SYT16: variants seen among roughly 807,000 people sequenced by gnomAD.
SYT16 encodes the protein synaptotagmin-16.
In SYT16, 42 loss-of-function variants were observed where a neutral mutation model predicts 61.4. The observed-to-expected ratio is 0.68, with a 90% CI of 0.53 to 0.89. SYT16 has a LOEUF of 0.89. Ranked by LOEUF, SYT16 falls within the 40% of genes least tolerant of loss-of-function variation. The probability of loss-of-function intolerance (pLI) is 0.00; values close to 1 mark genes in which losing one functional copy is unlikely to be tolerated. For missense variants in SYT16, 804 were observed against 807.3 expected (o/e 1.00, Z 0.05); for synonymous variants, 314 against 302.3 (o/e 1.04, Z -0.40).
intron 1 of SYT16, among the ~76,000 whole-genome samples, chr14:61,947,163 C>CA (rs2050471666): frequency 6.6e-6 from 1 of 151,828 alleles, no homozygotes; most frequent in Admixed American, 6.6e-5. Context: ...ATGGTAAAGC[C>CA]AGTACCGTCA....
chr14:62,023,386 A>T (rs1230002329), intron 3 of SYT16, among the ~76,000 whole-genome samples: 1 of 152,206 alleles, frequency 6.6e-6, no homozygotes, highest in African/African-American at 2.4e-5. Context: ...TCCCCCAAAC[A>T]TACAGGTGAT....
intron 3 of SYT16, among the ~76,000 whole-genome samples, chr14:62,030,709 C>A (rs2054280965): frequency 6.6e-6 from 1 of 152,138 alleles, no homozygotes. Flanking sequence ...GTGGCTTTAA[C>A]CTTTCTCTCA....
chr14:61,981,828 C>A (rs1286530432), intron 2 of SYT16, among the ~76,000 whole-genome samples: 2 of 152,138 alleles, frequency 1.3e-5, no homozygotes, highest in African/African-American at 4.8e-5. Flanking sequence ...GAGTTATTTA[C>A]ATAAGGGTGC....
chr14:62,088,197 C>T (rs917586878), intron 7 of SYT16, among the ~76,000 whole-genome samples: 1 of 152,148 alleles, frequency 6.6e-6, no homozygotes, highest in African/African-American at 2.4e-5. Flanking sequence ...AAAAACTAGA[C>T]AGTCCTCACG....
intron 1 of SYT16, among the ~76,000 whole-genome samples, chr14:61,819,300 A>C (rs1478412820): frequency 6.6e-6 from 1 of 152,208 alleles, no homozygotes; most frequent in African/African-American, 2.4e-5. Context: ...TATGCCATTT[A>C]ACAATTGTCT....
rs529441836 is a variant in SYT16, at chr14:61,996,791, A to G, written c.523+249A>G. On this transcript the variant is annotated intron_variant, in intron 3 of 7. Coordinates refer to ENST00000683842, the MANE Select transcript of SYT16 (RefSeq NM_001367656.1). Reference sequence around the variant, plus strand: ...TGAGCAAGTGAAATGGTGAAAAACGAGTCTGTGGATTCTGTTTGAGAAGCC... The same window carrying G: ...TGAGCAAGTGAAATGGTGAAAAACGGGTCTGTGGATTCTGTTTGAGAAGCC... Among the ~76,000 whole-genome samples, 19 of 152,206 alleles carry G rather than the reference A, an allele frequency of 1.2e-4. No individual in the cohort carries two copies. In the South Asian group the frequency reaches 3.9e-3, roughly 31 times the overall value.
chr14:62,020,775 A>G (rs2053879325), intron 3 of SYT16, among the ~76,000 whole-genome samples: 1 of 152,132 alleles, frequency 6.6e-6, no homozygotes, highest in Non-Finnish European at 1.5e-5. Context: ...AACCACTGTG[A>G]TGGTTGGGGC....
chr14:61,954,712 A>G (rs539585796), intron 1 of SYT16, among the ~76,000 whole-genome samples: 3 of 151,962 alleles, frequency 2.0e-5, no homozygotes, highest in Admixed American at 2.0e-4. Flanking sequence ...TCCCTGTCAA[A>G]GTCTCTAATT....
intron 1 of SYT16, among the ~76,000 whole-genome samples, chr14:61,964,486 T>A (rs913382970): frequency 1.9e-4 from 29 of 152,184 alleles, no homozygotes; most frequent in Non-Finnish European, 3.5e-4. Context: ...TGCAATCTCA[T>A]GGTCAAACTT....
intron 1 of SYT16, among the ~76,000 whole-genome samples, chr14:61,917,191 C>G (rs1439346743): frequency 6.6e-6 from 1 of 152,118 alleles, no homozygotes; most frequent in African/African-American, 2.4e-5. Flanking sequence ...TTTGTGATCC[C>G]AACAAGTGAA....
At chr14:61,914,915 G>T (rs2049062974) in intron 1 of SYT16, among the ~76,000 whole-genome samples, 1 of 152,124 alleles carries the variant, frequency 6.6e-6, no homozygotes, top group South Asian at 2.1e-4. Context: ...TTCCAATTAT[G>T]TCTAGAATCA....
At chr14:62,007,877 A>C (rs1189479702) in intron 3 of SYT16, among the ~76,000 whole-genome samples, 4 of 152,210 alleles carry the variant, frequency 2.6e-5, no homozygotes, top group Non-Finnish European at 5.9e-5. Context: ...AAGGAATAAA[A>C]AAAATTTTCT....
At chr14:62,043,924 C>G (rs774519338) in intron 3 of SYT16, among the ~76,000 whole-genome samples, 1 of 149,570 alleles carries the variant, frequency 6.7e-6, no homozygotes, top group Admixed American at 6.6e-5. Flanking sequence ...CCTCCTACCT[C>G]GGCCTCTCAA....
chr14:61,845,048 T>G (rs1450455811), intron 1 of SYT16, among the ~76,000 whole-genome samples: 12 of 135,222 alleles, frequency 8.9e-5, no homozygotes, highest in Non-Finnish European at 9.4e-5. Context: ...ACTTTTTTTT[T>G]TTTTTTTTTT....
chr14:61,947,804 G>T (rs536458887), intron 1 of SYT16, among the ~76,000 whole-genome samples: 1 of 152,194 alleles, frequency 6.6e-6, no homozygotes, highest in Non-Finnish European at 1.5e-5. Context: ...CACAAGCATT[G>T]TGCAAAGGGT....
intron 3 of SYT16, among the ~76,000 whole-genome samples, chr14:62,062,504 C>G (rs1432790272): frequency 1.3e-5 from 2 of 152,132 alleles, no homozygotes; most frequent in Non-Finnish European, 2.9e-5. Context: ...CATTGAAGCT[C>G]CTTTGGGGAA....
At chr14:62,088,491 C>T (rs1218662809) in intron 7 of SYT16, among the ~76,000 whole-genome samples, 1 of 152,090 alleles carries the variant, frequency 6.6e-6, no homozygotes, top group Non-Finnish European at 1.5e-5. Flanking sequence ...TGGGAATATT[C>T]TGTATTTTGT....
At chr14:62,028,058 T>C (rs1321152873) in intron 3 of SYT16, among the ~76,000 whole-genome samples, 1 of 152,132 alleles carries the variant, frequency 6.6e-6, no homozygotes, top group East Asian at 1.9e-4. Flanking sequence ...CCATCTGAGG[T>C]TCTCTATATT....
intron 1 of SYT16, among the ~76,000 whole-genome samples, chr14:61,838,369 A>G (rs1160757106): frequency 6.6e-6 from 1 of 152,158 alleles, no homozygotes; most frequent in Non-Finnish European, 1.5e-5. Flanking sequence ...ACATTCCGAC[A>G]TGCTGCTGCT....
Sources: gnomAD v4.1 joint callset for allele counts (sites outside exome capture counted in the v4.1 genomes callset) on GRCh38, gnomAD v4.1.1 for gene constraint, MANE v1.5 for transcripts, NCBI Gene and HGNC (gene_info 2026-07-23, HGNC 2026-07-21) for gene names.